DACH2: variants seen among roughly 807,000 people sequenced by gnomAD.
DACH2 encodes dachshund homolog 2.
A neutral mutation model predicts 35.8 loss-of-function variants in DACH2; 17 were observed. That is an observed-to-expected ratio of 0.48 (90% CI 0.33 to 0.71). The LOEUF (loss-of-function observed/expected upper bound fraction) is 0.71. Among genes scored for constraint, DACH2 ranks in the 30% least tolerant of loss-of-function variants. The probability of loss-of-function intolerance (pLI) is 0.02; values close to 1 mark genes in which losing one functional copy is unlikely to be tolerated. For synonymous variants in DACH2, 195 were observed against 177.3 expected, an observed-to-expected ratio of 1.10 and a Z score of -0.79; for missense variants, 469 against 472.7, an observed-to-expected ratio of 0.99 and a Z score of 0.07.
chrX:86,260,148 T>C (rs1029072563), intron 1 of DACH2, among the ~76,000 whole-genome samples: 1 of 110,948 alleles, frequency 9.0e-6, no homozygotes, highest in Admixed American at 9.6e-5. Context: ...AACTTATGGA[T>C]TTAATCCATA....
chrX:86,604,068 T>C (rs952310983), intron 3 of DACH2, among the ~76,000 whole-genome samples: 1 of 111,563 alleles, frequency 9.0e-6, no homozygotes, highest in African/African-American at 3.2e-5. Flanking sequence ...TGGCCAGTTT[T>C]AAAGAAAGAC....
At chrX:86,495,902 A>G (rs1470166500) in intron 2 of DACH2, among the ~76,000 whole-genome samples, 1 of 111,496 alleles carries the variant, frequency 9.0e-6, no homozygotes, top group Admixed American at 9.6e-5. Context: ...AAAAAATGGA[A>G]CAATAGTACC....
intron 2 of DACH2, among the ~76,000 whole-genome samples, chrX:86,465,075 T>A (rs2037642649): frequency 8.9e-6 from 1 of 112,177 alleles, no homozygotes; most frequent in African/African-American, 3.2e-5. Context: ...ACAGTGAATC[T>A]TAAAATTCAG....
chrX:86,384,831 T>G (rs1405871439), intron 2 of DACH2, among the ~76,000 whole-genome samples: 1 of 111,778 alleles, frequency 8.9e-6, no homozygotes, highest in Non-Finnish European at 1.9e-5. Context: ...GAGACAGTGT[T>G]CCAGATGTTT....
chrX:86,235,298 C>T (rs1185803061), intron 1 of DACH2, among the ~76,000 whole-genome samples: 13 of 112,193 alleles, frequency 1.2e-4, no homozygotes, highest in African/African-American at 4.2e-4. Flanking sequence ...CTTTGGTTTA[C>T]CTTGATGTCT....
At chrX:86,400,614 G>T (rs1407356102) in intron 2 of DACH2, among the ~76,000 whole-genome samples, 2 of 112,081 alleles carry the variant, frequency 1.8e-5, no homozygotes, top group African/African-American at 6.5e-5. Context: ...ACCCTCAGCT[G>T]CAGGTCTGTT....
chrX:86,431,218 G>T (rs1452365725), intron 2 of DACH2, among the ~76,000 whole-genome samples: 1 of 111,583 alleles, frequency 9.0e-6, no homozygotes, highest in Non-Finnish European at 1.9e-5. Context: ...ACTTAAAAGT[G>T]CATAGCCAGC....
At chrX:86,803,181 CA>C (rs2042311155) in intron 7 of DACH2, among the ~76,000 whole-genome samples, 1 of 111,511 alleles carries the variant, frequency 9.0e-6, no homozygotes, top group Admixed American at 9.6e-5. Context: ...AGAGTTACTC[CA>C]AAAAATCAGT....
At chrX:86,499,122 C>G (rs754392548) in intron 2 of DACH2, among the ~76,000 whole-genome samples, 3 of 111,915 alleles carry the variant, frequency 2.7e-5, no homozygotes, top group African/African-American at 9.7e-5. Context: ...TTCCTGCCAA[C>G]GTTATATAAA....
At chrX:86,774,366 G>T (rs771559949) in intron 7 of DACH2, among the ~76,000 whole-genome samples, 1 of 111,419 alleles carries the variant, frequency 9.0e-6, no homozygotes, top group South Asian at 3.7e-4. Flanking sequence ...TTTTCTTTTT[G>T]CCTTCAATAG....
At chrX:86,750,401 G>A (rs973452769) in intron 7 of DACH2, among the ~76,000 whole-genome samples, 14 of 111,775 alleles carry the variant, frequency 1.3e-4, no homozygotes, top group Non-Finnish European at 2.3e-4. Context: ...ATTTTTCTAA[G>A]TAAATTCTAT....
chrX:86,277,563 A>G (rs1350330999), intron 1 of DACH2, among the ~76,000 whole-genome samples: 1 of 112,485 alleles, frequency 8.9e-6, no homozygotes, highest in Non-Finnish European at 1.9e-5. Context: ...CGATTTTCTT[A>G]TTCCAGTTAA....
chrX:86,449,339 G>A (rs1192358400), intron 2 of DACH2, among the ~76,000 whole-genome samples: 2 of 100,017 alleles, frequency 2.0e-5, no homozygotes, highest in Non-Finnish European at 4.0e-5. Flanking sequence ...CCTTCTGCTA[G>A]CTTTTGAATG....
chrX:86,158,600 G>A (rs2030639057), intron 1 of DACH2, among the ~76,000 whole-genome samples: 1 of 109,788 alleles, frequency 9.1e-6, no homozygotes, highest in African/African-American at 3.3e-5. Context: ...AGTGGTCTAG[G>A]TGCTAGGTGC....
At chrX:86,295,456 A>G (rs1419978670) in intron 1 of DACH2, among the ~76,000 whole-genome samples, 1 of 108,712 alleles carries the variant, frequency 9.2e-6, no homozygotes, top group Non-Finnish European at 1.9e-5. Context: ...CAACCAGTTC[A>G]CTCTCTCTGG....
intron 2 of DACH2, among the ~76,000 whole-genome samples, chrX:86,510,674 A>G (rs1224028775): frequency 2.7e-5 from 3 of 111,326 alleles, no homozygotes; most frequent in Non-Finnish European, 5.7e-5. Flanking sequence ...TGAATTCTAT[A>G]AAGCTGAATC....
chrX:86,590,958 T>C (rs188806878), intron 3 of DACH2, among the ~76,000 whole-genome samples: 86 of 110,236 alleles, frequency 7.8e-4, no homozygotes, highest in Middle Eastern at 9.6e-3. Flanking sequence ...ATGCTATCCC[T>C]CCCCCTTCCC....
At chrX:86,532,546 T>C (rs938499943) in intron 3 of DACH2, among the ~76,000 whole-genome samples, 1 of 110,263 alleles carries the variant, frequency 9.1e-6, no homozygotes, top group Admixed American at 9.7e-5. Flanking sequence ...GCCTTGCTTC[T>C]CCTTCATCTT....
At chrX:86,529,593 C>T (rs1288826870) in intron 3 of DACH2, among the ~76,000 whole-genome samples, 1 of 109,550 alleles carries the variant, frequency 9.1e-6, no homozygotes, top group Admixed American at 9.8e-5. Flanking sequence ...CTGCCTCAGC[C>T]TCCTGAGTAG....
Sources: allele counts gnomAD v4.1 joint callset (sites outside exome capture counted in the v4.1 genomes callset), GRCh38; gene constraint gnomAD v4.1.1; transcripts MANE v1.5; gene names NCBI Gene and HGNC (gene_info 2026-07-23, HGNC 2026-07-21).